MALRD1: variants seen among roughly 807,000 people sequenced by gnomAD.
MALRD1 encodes MAM and LDL receptor class A domain containing 1, also known as MAM and LDL-receptor class A domain-containing protein 1.
Under a neutral mutation model 242.1 loss-of-function variants are expected in MALRD1, and 247 were observed. The ratio of observed to expected loss-of-function variants is 1.02; its 90% CI spans 0.92 to 1.13. The LOEUF (loss-of-function observed/expected upper bound fraction) is 1.13. MALRD1 is among the 50% of genes most tolerant of loss of function. The pLI, the probability that MALRD1 is intolerant of heterozygous loss-of-function variation, is 0.00. For missense variants in MALRD1, 2,989 were observed against 2,533.1 expected (o/e 1.18, Z -3.86); for synonymous variants, 995 against 866.6 (o/e 1.15, Z -2.60).
At chr10:19,166,140 A>T (rs1483505670) in intron 13 of MALRD1, among the ~76,000 whole-genome samples, 1 of 152,242 alleles carries the variant, frequency 6.6e-6, no homozygotes, top group Admixed American at 6.5e-5. Context: ...ATAAGATGGC[A>T]GAGAGAAGAG....
intron 28 of MALRD1, among the ~76,000 whole-genome samples, chr10:19,421,658 C>G (rs1833723398): frequency 6.6e-6 from 1 of 152,154 alleles, no homozygotes; most frequent in African/African-American, 2.4e-5. Flanking sequence ...TATCCCATAT[C>G]TTCTAGTCAT....
At chr10:19,393,941 A>G (rs1846460040) in intron 28 of MALRD1, among the ~76,000 whole-genome samples, 1 of 152,188 alleles carries the variant, frequency 6.6e-6, no homozygotes, top group Non-Finnish European at 1.5e-5. Context: ...ATGCAGGAAC[A>G]CCTGCTACCT....
intron 38 of MALRD1, among the ~76,000 whole-genome samples, chr10:19,698,038 C>T (rs1288313837): frequency 1.3e-5 from 2 of 152,182 alleles, no homozygotes; most frequent in Non-Finnish European, 2.9e-5. Context: ...TCAGATCTCT[C>T]TGTTACTGAA....
chr10:19,643,565 C>T (rs1048235505), intron 36 of MALRD1, among the ~76,000 whole-genome samples: 1 of 152,096 alleles, frequency 6.6e-6, no homozygotes, highest in Admixed American at 6.5e-5. Context: ...TTATAATAGA[C>T]GCTCATATTA....
At chr10:19,225,430 G>A (rs1484357953) in intron 18 of MALRD1, among the ~76,000 whole-genome samples, 1 of 151,914 alleles carries the variant, frequency 6.6e-6, no homozygotes, top group Non-Finnish European at 1.5e-5. Flanking sequence ...TCAGGTGTAG[G>A]CTATTTCTAT....
chr10:19,654,691 G>T (rs559160507), intron 36 of MALRD1, among the ~76,000 whole-genome samples: 4 of 152,148 alleles, frequency 2.6e-5, no homozygotes, highest in Admixed American at 2.6e-4. Context: ...GTTCCTGAAA[G>T]AAACTACCTT....
intron 19 of MALRD1, 136 bp from the exon 20 acceptor site, chr10:19,279,911 C>T: frequency 1.8e-6 from 1 of 550,090 alleles, no homozygotes; most frequent in Non-Finnish European, 2.9e-6. Context: ...TTTATTTTAG[C>T]AGAGTAGCTG....
intron 26 of MALRD1, among the ~76,000 whole-genome samples, chr10:19,369,758 T>C (rs974130070): frequency 1.3e-5 from 2 of 151,670 alleles, no homozygotes; most frequent in African/African-American, 4.8e-5. Flanking sequence ...TGTTAAAGTA[T>C]CTATTTGTCT....
At chr10:19,581,226 T>C (rs1185055627) in intron 33 of MALRD1, among the ~76,000 whole-genome samples, 1 of 143,640 alleles carries the variant, frequency 7.0e-6, no homozygotes, top group African/African-American at 2.6e-5. Flanking sequence ...TATTTATTTA[T>C]TTATTATTAT....
chr10:19,392,902 C>G (rs1846397613), intron 28 of MALRD1, among the ~76,000 whole-genome samples: 1 of 152,254 alleles, frequency 6.6e-6, no homozygotes, highest in South Asian at 2.1e-4. Flanking sequence ...TCTGCTTCAA[C>G]CAAGCCAAAC....
intron 33 of MALRD1, among the ~76,000 whole-genome samples, chr10:19,579,391 G>A (rs1449551653): frequency 1.3e-5 from 2 of 152,130 alleles, no homozygotes; most frequent in African/African-American, 4.8e-5. Flanking sequence ...CTGATAGATT[G>A]TCTAAAACTC....
chr10:19,366,396 T>C lies in MALRD1; in HGVS notation c.4441+14099T>C, dbSNP rs752490331. 2.0e-5 allele frequency among the ~76,000 whole-genome samples: 3 copies of C among 151,936 alleles called. No homozygotes were observed. The East Asian group carries it at 5.8e-4, about 29-fold the overall frequency. ...ACAGGAGGCGGAGCTCAGGTGGTAA[T>C]GTGAGTGGTGGGGAGCAGCTGTAAA... On this transcript the variant is annotated intron_variant, in intron 26 of 39. Coordinates refer to ENST00000454679, the MANE Select transcript of MALRD1 (RefSeq NM_001142308.3).
At chr10:19,509,497 T>G (rs1454521532) in intron 31 of MALRD1, among the ~76,000 whole-genome samples, 3 of 152,208 alleles carry the variant, frequency 2.0e-5, no homozygotes, top group Non-Finnish European at 2.9e-5. Context: ...CTTGGTTATT[T>G]ACTTTGACAA....
intron 32 of MALRD1, among the ~76,000 whole-genome samples, chr10:19,544,236 C>T (rs1835106204): frequency 6.6e-6 from 1 of 151,892 alleles, no homozygotes; most frequent in African/African-American, 2.4e-5. Context: ...GTCACCCAGG[C>T]CGAAATGCGA....
chr10:19,203,590 A>G (rs879807750), intron 14 of MALRD1, 138 bp from the exon 15 acceptor site: 3 of 809,526 alleles, frequency 3.7e-6, no homozygotes, highest in Non-Finnish European at 5.4e-6. Flanking sequence ...GATCTTTTTT[A>G]TTTTCTGAAA....
At chr10:19,458,136 T>G (rs923263352) in intron 29 of MALRD1, among the ~76,000 whole-genome samples, 2 of 152,318 alleles carry the variant, frequency 1.3e-5, no homozygotes, top group South Asian at 4.1e-4. Context: ...TTGTTAAATA[T>G]ACTCTTTATA....
At chr10:19,229,984 C>T (rs1456457187) in intron 18 of MALRD1, among the ~76,000 whole-genome samples, 2 of 152,112 alleles carry the variant, frequency 1.3e-5, no homozygotes, top group Non-Finnish European at 2.9e-5. Flanking sequence ...ATCATGGGGG[C>T]AGTTTTCCCC....
chr10:19,186,103 C>T (rs1835726612), intron 14 of MALRD1, among the ~76,000 whole-genome samples: 1 of 152,148 alleles, frequency 6.6e-6, no homozygotes, highest in African/African-American at 2.4e-5. Context: ...TATACCTACA[C>T]TTGCTAATTA....
intron 18 of MALRD1, among the ~76,000 whole-genome samples, chr10:19,237,981 TTA>T (rs1382364472): frequency 0.066 from 6,398 of 96,810 alleles, 691 homozygotes; most frequent in East Asian, 0.11. Flanking sequence ...TTATATATAA[TTA>T]TATGTAATTT....
Sources: gnomAD v4.1 joint callset for allele counts (sites outside exome capture counted in the v4.1 genomes callset) on GRCh38, gnomAD v4.1.1 for gene constraint, MANE v1.5 for transcripts, NCBI Gene and HGNC (gene_info 2026-07-23, HGNC 2026-07-21) for gene names.